Variants in FBXL13 observed in about 807,000 individuals in gnomAD.
FBXL13 encodes the protein F-box and leucine rich repeat protein 13, also known as F-box and leucine-rich repeat protein 13.
A neutral mutation model predicts 83.6 loss-of-function variants in FBXL13; 67 were observed. The ratio of observed to expected loss-of-function variants is 0.80; its 90% CI spans 0.66 to 0.98. The LOEUF is 0.98. FBXL13 is among the 50% of genes least tolerant of loss of function. The pLI is 0.00. For synonymous variants in FBXL13, 272 were observed against 299.5 expected, an observed-to-expected ratio of 0.91 and a Z score of 0.95; for missense variants, 822 against 866.5, an observed-to-expected ratio of 0.95 and a Z score of 0.64.
chr7:103,057,253 T>C (rs1190816975), intron 1 of FBXL13, among the ~76,000 whole-genome samples: 2 of 152,214 alleles, frequency 1.3e-5, no homozygotes, highest in Non-Finnish European at 2.9e-5. Flanking sequence ...TTATCTTGCC[T>C]CTTTCTAAAA....
At chr7:103,007,152 G>C (rs1225195038) in intron 6 of FBXL13, among the ~76,000 whole-genome samples, 2 of 152,072 alleles carry the variant, frequency 1.3e-5, no homozygotes, top group Admixed American at 1.3e-4. Flanking sequence ...GTCCCAAAAA[G>C]AGGAAGGAGA....
At chr7:102,956,077 C>T (rs1824222295) in intron 8 of FBXL13, among the ~76,000 whole-genome samples, 1 of 151,822 alleles carries the variant, frequency 6.6e-6, no homozygotes, top group South Asian at 2.1e-4. Context: ...AGAGACACAA[C>T]AAAAAAAGAG....
chr7:102,874,109 C>G (rs902770559), intron 16 of FBXL13, among the ~76,000 whole-genome samples: 1 of 152,142 alleles, frequency 6.6e-6, no homozygotes, highest in African/African-American at 2.4e-5. Context: ...TGAGAATGAA[C>G]ATAATTATTA....
chr7:102,911,378 G>A (rs528040378), intron 11 of FBXL13, among the ~76,000 whole-genome samples: 4 of 152,304 alleles, frequency 2.6e-5, no homozygotes, highest in Non-Finnish European at 4.4e-5. Flanking sequence ...TAAGCACAAC[G>A]GCGAGTTAGA....
intron 14 of FBXL13, 69 bp from the exon 16 acceptor site, chr7:102,878,519 T>C (rs969954068): frequency 2.9e-6 from 3 of 1,039,178 alleles, no homozygotes; most frequent in Non-Finnish European, 4.0e-6. Flanking sequence ...ATTAAAGTAA[T>C]AGCTACCATA....
intron 8 of FBXL13, among the ~76,000 whole-genome samples, chr7:102,957,550 T>C (rs1417552413): frequency 1.3e-5 from 2 of 151,876 alleles, no homozygotes; most frequent in African/African-American, 4.8e-5. Flanking sequence ...CTAATCAAAC[T>C]AAAGAGCTTC....
intron 10 of FBXL13, among the ~76,000 whole-genome samples, chr7:102,920,659 T>G (rs533047791): frequency 2.6e-5 from 4 of 152,002 alleles, no homozygotes; most frequent in Non-Finnish European, 5.9e-5. Context: ...TACACTCAAT[T>G]TTGACAATAA....
chr7:102,977,935 CG>C (rs1450085292), intron 6 of FBXL13, among the ~76,000 whole-genome samples: 1 of 151,736 alleles, frequency 6.6e-6, no homozygotes, highest in Admixed American at 6.6e-5. Flanking sequence ...CATCACACAC[CG>C]GGGCCTGTTG....
At chr7:102,940,531 G>C (rs1264153260) in intron 8 of FBXL13, among the ~76,000 whole-genome samples, 2 of 152,116 alleles carry the variant, frequency 1.3e-5, no homozygotes, top group African/African-American at 4.8e-5. Context: ...ATTTTTAAAG[G>C]GAAATTCAAA....
chr7:103,050,262 G>C (rs1368887011), intron 2 of FBXL13, among the ~76,000 whole-genome samples: 3 of 152,098 alleles, frequency 2.0e-5, no homozygotes, highest in African/African-American at 7.2e-5. Context: ...GAGGAAAAAA[G>C]CCAGAAATAT....
chr7:102,905,651 A>G (rs1021280540), intron 11 of FBXL13, among the ~76,000 whole-genome samples: 1 of 151,950 alleles, frequency 6.6e-6, no homozygotes, highest in African/African-American at 2.4e-5. Flanking sequence ...TATTCCTGCT[A>G]TTTTGTTATC....
intron 6 of FBXL13, among the ~76,000 whole-genome samples, chr7:103,011,372 C>T (rs552016316): frequency 1.5e-4 from 23 of 152,130 alleles, no homozygotes; most frequent in East Asian, 1.2e-3. Flanking sequence ...TGGTGGCTCA[C>T]GCCTGTAATC....
intron 6 of FBXL13, among the ~76,000 whole-genome samples, chr7:103,003,278 GTTTTTTTTTTTTT>G (rs563726626): frequency 0.031 from 2,374 of 75,962 alleles, 48 homozygotes; most frequent in Admixed American, 0.042. Context: ...TTGTTTTGGG[GTTTTTTTTTTTTT>G]TTTTTTTTTT....
intron 2 of FBXL13, among the ~76,000 whole-genome samples, chr7:103,052,108 C>T (rs7806691): frequency 0.98 from 148,971 of 152,350 alleles, 72,941 homozygotes; most frequent in East Asian, 1. Context: ...AGGCAATCCA[C>T]AATTAATGGG....
At chr7:102,816,127 C>G (rs536807250) in intron 19 of FBXL13, 19 of 152,266 alleles carry the variant, frequency 1.2e-4, no homozygotes, top group African/African-American at 4.6e-4. Flanking sequence ...TCCAGTCCAC[C>G]CACAGACAGC....
At chr7:102,850,322 C>T (rs1804991806) in intron 17 of FBXL13, among the ~76,000 whole-genome samples, 1 of 152,066 alleles carries the variant, frequency 6.6e-6, no homozygotes, top group Non-Finnish European at 1.5e-5. Context: ...GGCCAATACT[C>T]CTTCATCCCA....
At chr7:103,017,890 A>G (rs1189526614) in intron 6 of FBXL13, among the ~76,000 whole-genome samples, 1 of 152,242 alleles carries the variant, frequency 6.6e-6, no homozygotes. Context: ...ATCAAGTTGG[A>G]AAACACTCTT....
intron 8 of FBXL13, among the ~76,000 whole-genome samples, chr7:102,949,800 T>G (rs1432801957): frequency 6.6e-6 from 1 of 152,148 alleles, no homozygotes; most frequent in African/African-American, 2.4e-5. Context: ...ATCCTATGTA[T>G]AGTGGTTAAA....
At chr7:102,853,948 T>C (rs1049017807) in intron 17 of FBXL13, among the ~76,000 whole-genome samples, 20 of 152,188 alleles carry the variant, frequency 1.3e-4, no homozygotes, top group African/African-American at 4.8e-4. Context: ...TCAACCATTG[T>C]GGAAGCCAGT....
Sources: gnomAD v4.1 joint callset for allele counts (sites outside exome capture counted in the v4.1 genomes callset) on GRCh38, gnomAD v4.1.1 for gene constraint, MANE v1.5 for transcripts, NCBI Gene and HGNC (gene_info 2026-07-23, HGNC 2026-07-21) for gene names.